Variants in SCAPER observed in about 807,000 individuals in gnomAD.
SCAPER encodes the protein S phase cyclin A-associated protein in the endoplasmic reticulum.
A neutral mutation model predicts 182.2 loss-of-function variants in SCAPER; 98 were observed. That is an observed-to-expected ratio of 0.54 (90% confidence interval 0.46 to 0.64). The LOEUF is 0.64. SCAPER is among the 30% of genes least tolerant of loss of function. The probability of loss-of-function intolerance (pLI) is 0.00; values close to 1 mark genes in which losing one functional copy is unlikely to be tolerated. For synonymous variants in SCAPER, 605 were observed against 564.6 expected, an observed-to-expected ratio of 1.07 and a Z score of -1.01; for missense variants, 1,432 against 1,690.0, an observed-to-expected ratio of 0.85 and a Z score of 2.68.
intron 5 of SCAPER, among the ~76,000 whole-genome samples, chr15:76,819,753 A>G (rs1035924907): frequency 4.6e-5 from 7 of 152,212 alleles, no homozygotes; most frequent in Non-Finnish European, 8.8e-5. Flanking sequence ...TGACCAGTTG[A>G]GAGAGGAAGG....
intron 22 of SCAPER, among the ~76,000 whole-genome samples, chr15:76,606,479 G>A (rs562226223): frequency 2.0e-5 from 3 of 152,196 alleles, no homozygotes; most frequent in African/African-American, 4.8e-5. Flanking sequence ...GTGCTGAAAA[G>A]AATGTATATT....
At chr15:76,490,420 C>T (rs750896813) in intron 24 of SCAPER, among the ~76,000 whole-genome samples, 59 of 152,142 alleles carry the variant, frequency 3.9e-4, no homozygotes, top group Admixed American at 1.5e-3. Context: ...TATCTTTTGG[C>T]CATTTGTATG....
At chr15:76,878,940 C>T (rs1595884867) in intron 2 of SCAPER, among the ~76,000 whole-genome samples, 1 of 151,988 alleles carries the variant, frequency 6.6e-6, no homozygotes, top group Non-Finnish European at 1.5e-5. Flanking sequence ...TCAAAATTTA[C>T]CAAAAAAATT....
intron 4 of SCAPER, among the ~76,000 whole-genome samples, 189 bp from the exon 5 acceptor site, chr15:76,842,120 A>G (rs376063619): frequency 1.3e-4 from 20 of 152,320 alleles, no homozygotes; most frequent in African/African-American, 4.8e-4. Context: ...TATTTACATA[A>G]CATTTACATT....
chr15:76,646,984 T>C (rs1168274116), intron 21 of SCAPER, among the ~76,000 whole-genome samples: 1 of 152,200 alleles, frequency 6.6e-6, no homozygotes, highest in Non-Finnish European at 1.5e-5. Context: ...TGAATTCCAA[T>C]TTATGATAGT....
chr15:76,717,889 G>A (rs1416842262), intron 17 of SCAPER, among the ~76,000 whole-genome samples: 5 of 152,066 alleles, frequency 3.3e-5, no homozygotes, highest in Admixed American at 3.3e-4. Flanking sequence ...ATAAACTAGA[G>A]AGAAAATAAA....
intron 23 of SCAPER, among the ~76,000 whole-genome samples, chr15:76,513,116 T>C (rs1245162040): frequency 6.6e-6 from 1 of 152,152 alleles, no homozygotes; most frequent in African/African-American, 2.4e-5. Flanking sequence ...CCCCATTCTC[T>C]CTTGTCTGCA....
chr15:76,562,754 G>A (rs2046741262), intron 23 of SCAPER, among the ~76,000 whole-genome samples: 1 of 152,086 alleles, frequency 6.6e-6, no homozygotes, highest in Non-Finnish European at 1.5e-5. Flanking sequence ...TATGACCCAG[G>A]AACTCTGCTT....
Position 76,766,902 on chromosome 15 carries a change from A to T in SCAPER, c.1419+16T>A. 1 of 1,576,314 alleles carries T rather than the reference A, an allele frequency of 6.3e-7. No individual in the cohort carries two copies. The highest frequency in any genetic ancestry group is 8.6e-7 in the Non-Finnish European group (1 of 1,168,694). On this transcript the variant is annotated intron_variant, in intron 11 of 31. Transcript: ENST00000563290. Reference sequence around the variant, plus strand: ...ATAAATTTTGAATAGTTATGTTAAAAAGTCTAAAAGCTCACAGAAAAATCA... The same window carrying T: ...ATAAATTTTGAATAGTTATGTTAAATAGTCTAAAAGCTCACAGAAAAATCA...
At chr15:76,771,541 C>T (rs550738243) in intron 10 of SCAPER, among the ~76,000 whole-genome samples, 2 of 152,204 alleles carry the variant, frequency 1.3e-5, no homozygotes, top group Non-Finnish European at 2.9e-5. Context: ...TTAACTCTCA[C>T]AATCTCACTT....
chr15:76,895,928 T>C (rs556009296), intron 1 of SCAPER, among the ~76,000 whole-genome samples: 1 of 151,696 alleles, frequency 6.6e-6, no homozygotes, highest in South Asian at 2.1e-4. Flanking sequence ...TAGTCCCAGC[T>C]ACTTGGGAAG....
chr15:76,896,391 T>C (rs1014715540), intron 1 of SCAPER, among the ~76,000 whole-genome samples: 20 of 151,892 alleles, frequency 1.3e-4, no homozygotes, highest in African/African-American at 4.8e-4. Flanking sequence ...ACAAAAATAA[T>C]AGTAATAAAA....
At chr15:76,446,884 G>C (rs1272483227) in intron 25 of SCAPER, among the ~76,000 whole-genome samples, 1 of 152,038 alleles carries the variant, frequency 6.6e-6, no homozygotes, top group East Asian at 1.9e-4. Flanking sequence ...ACCATACTTC[G>C]AGTACCTATA....
In SCAPER at chr15:76,858,046, T is replaced by C. The variant is rs184803057; in HGVS notation, c.125-167A>G. ...ACAGTATAGTACAGTCTGTTCATGG[T>C]CAGTATAAACCGATATAATTAAAAC... On this transcript the variant is annotated intron_variant, in intron 3 of 31. Transcript: ENST00000563290. 6.5e-4 allele frequency among the ~76,000 whole-genome samples: 99 copies of C among 152,250 alleles called. No individual in the cohort carries two copies. The Middle Eastern group carries it at 0.014, about 21-fold the overall frequency.
intron 24 of SCAPER, among the ~76,000 whole-genome samples, chr15:76,483,356 T>C (rs2051309330): frequency 6.7e-6 from 1 of 150,242 alleles, no homozygotes; most frequent in African/African-American, 2.4e-5. Context: ...TAATTCAAGA[T>C]GGATTATATA....
At chr15:76,539,072 A>G (rs1014598559) in intron 23 of SCAPER, among the ~76,000 whole-genome samples, 1 of 152,144 alleles carries the variant, frequency 6.6e-6, no homozygotes, top group Non-Finnish European at 1.5e-5. Context: ...GTAAGTAAAA[A>G]AAAAAAAAGT....
intron 29 of SCAPER, among the ~76,000 whole-genome samples, chr15:76,361,022 TA>T (rs77923587): frequency 0.028 from 3,824 of 134,346 alleles, 80 homozygotes; most frequent in African/African-American, 0.075. Flanking sequence ...AAATTTAAAT[TA>T]AAAAAAAAAA....
At chr15:76,497,109 C>CTTT (rs57202860) in intron 24 of SCAPER, among the ~76,000 whole-genome samples, 2,195 of 86,726 alleles carry the variant, frequency 0.025, 102 homozygotes, top group African/African-American at 0.097. Flanking sequence ...TTGGTCTCCT[C>CTTT]TTTTTTTTTT....
intron 5 of SCAPER, 151 bp downstream of exon 5, chr15:76,841,583 G>A (rs1370078745): frequency 2.7e-6 from 2 of 733,096 alleles, no homozygotes; most frequent in Non-Finnish European, 4.3e-6. Context: ...GGAGGCAGAG[G>A]TTGTAATGAG....
Sources: allele counts gnomAD v4.1 joint callset (sites outside exome capture counted in the v4.1 genomes callset), GRCh38; gene constraint gnomAD v4.1.1; transcripts MANE v1.5; gene names NCBI Gene and HGNC (gene_info 2026-07-23, HGNC 2026-07-21).